Variants in COLGALT2 observed in about 807,000 individuals in gnomAD.
The protein encoded by COLGALT2 is collagen beta(1-O)galactosyltransferase 2.
COLGALT2 carries 49 observed loss-of-function variants against 73.4 expected under a neutral mutation model. The observed-to-expected ratio is 0.67, with a 90% CI of 0.53 to 0.85. COLGALT2 has a LOEUF of 0.85. COLGALT2 is among the 40% of genes least tolerant of loss of function. The probability of loss-of-function intolerance (pLI) is 0.00; values close to 1 mark genes in which losing one functional copy is unlikely to be tolerated. For synonymous variants in COLGALT2, 295 were observed against 307.6 expected (o/e 0.96, Z 0.43); for missense variants, 722 against 790.2 (o/e 0.91, Z 1.03).
intron 4 of COLGALT2, among the ~76,000 whole-genome samples, chr1:183,970,444 C>A (rs958206164): frequency 6.6e-6 from 1 of 152,204 alleles, no homozygotes; most frequent in Non-Finnish European, 1.5e-5. Flanking sequence ...AGTTGCATCA[C>A]TTCATGGTTA....
chr1:183,952,761 C>T (rs955394776), intron 7 of COLGALT2, among the ~76,000 whole-genome samples: 2 of 152,216 alleles, frequency 1.3e-5, no homozygotes, highest in African/African-American at 4.8e-5. Flanking sequence ...CCTAATTTTA[C>T]TACCTTCCTT....
chr1:183,930,104 C>A, exon 12 of COLGALT2: 1 of 411,412 alleles, frequency 2.4e-6, no homozygotes, highest in Non-Finnish European at 4.9e-6. Context: ...GCCCATCAAC[C>A]AGTCCCCGGG....
rs573393603 is a variant in COLGALT2, at chr1:184,037,278, G to A, written c.80C>T (p.Ala27Val). Reference protein sequence around the residue: ...SSALLREGCRARFVAERDSED... With the variant: ...SSALLREGCRVRFVAERDSED... ...CGAGTCCCGCTCGGCGACGAAGCGC[G>A]CTCGGCAGCCTTCGCGGAGCAGGGC... The change falls in exon 1 of 12, where the codon GCG (alanine) becomes GTG (valine). Residue 27 changes from alanine to valine, a missense_variant. Coordinates refer to ENST00000361927, the MANE Select transcript of COLGALT2 (RefSeq NM_015101.4). The A allele has an allele frequency of 7.1e-6, 11 of 1,554,038 alleles. No homozygotes were observed. Among genetic ancestry groups the A allele is most frequent in the South Asian group, 5.9e-5 (5 of 84,082 alleles).
At chr1:183,954,923 G>A in intron 6 of COLGALT2, 85 bp from the exon 7 acceptor site, 2 of 1,059,878 alleles carry the variant, frequency 1.9e-6, no homozygotes, top group East Asian at 4.8e-5. Context: ...GATCTCTAGG[G>A]TTGGAATATA....
In COLGALT2 at chr1:183,999,075, T is replaced by C. The variant is rs969581148; in HGVS notation, c.264-20555A>G. 2.6e-5 allele frequency among the ~76,000 whole-genome samples: 4 copies of C among 152,226 alleles called. No homozygotes were observed. In the East Asian group the frequency reaches 5.8e-4, roughly 22 times the overall value. On this transcript the variant is annotated intron_variant, in intron 1 of 11. Transcript: ENST00000361927. ...TATAGCATTTCACCATCAAATATGA[T>C]ATTTGTTACAGTCTGCTTTGGTGTT...
chr1:184,001,678 A>G (rs1350859031), intron 1 of COLGALT2, among the ~76,000 whole-genome samples: 1 of 152,248 alleles, frequency 6.6e-6, no homozygotes, highest in Non-Finnish European at 1.5e-5. Context: ...ATATGCAGAT[A>G]ATCAAATTTT....
At chr1:183,988,700 A>G (rs1380592721) in intron 1 of COLGALT2, among the ~76,000 whole-genome samples, 1 of 152,168 alleles carries the variant, frequency 6.6e-6, no homozygotes, top group East Asian at 1.9e-4. Context: ...ATAATGTTCC[A>G]TAGTATGGAT....
At position 183,936,152 on chromosome 1, in the gene COLGALT2, G is replaced by C; in HGVS notation, c.*2609C>G. 3.0e-6 allele frequency: 3 copies of C among 985,606 alleles called. No homozygotes were observed. The highest frequency in any genetic ancestry group is 3.6e-6 in the Non-Finnish European group (3 of 830,074). 61.1% of individuals were successfully genotyped at this position (985,606 alleles called of 1,614,324 possible). A position where few individuals can be genotyped will look rare whatever the true frequency, so the allele number is the denominator to read the frequency against. On this transcript the variant is annotated 3_prime_UTR_variant, in exon 12 of 12. Coordinates refer to ENST00000361927, the MANE Select transcript of COLGALT2 (RefSeq NM_015101.4). ...GGTTTAGCCTCCAGAGGCAGAGAGC[G>C]GGTGCCAGGCCCAGATGCAAAGGCC...
intron 6 of COLGALT2, among the ~76,000 whole-genome samples, chr1:183,960,620 CTA>C (rs1239305132): frequency 1.3e-5 from 2 of 152,252 alleles, no homozygotes; most frequent in Non-Finnish European, 2.9e-5. Context: ...TACAGGCATT[CTA>C]TGTTTGCTCA....
At chr1:184,036,497 C>T (rs1649681340) in intron 1 of COLGALT2, among the ~76,000 whole-genome samples, 1 of 152,238 alleles carries the variant, frequency 6.6e-6, no homozygotes, top group Non-Finnish European at 1.5e-5. Context: ...GTTGGGCACA[C>T]TCCGCGGGCT....
chr1:183,960,974 C>A (rs190297540), intron 6 of COLGALT2, among the ~76,000 whole-genome samples: 2 of 152,246 alleles, frequency 1.3e-5, no homozygotes, highest in African/African-American at 4.8e-5. Context: ...GTTTTTAACA[C>A]CTAGTTAATC....
intron 7 of COLGALT2, among the ~76,000 whole-genome samples, chr1:183,952,155 G>A (rs1670418542): frequency 6.6e-6 from 1 of 152,204 alleles, no homozygotes; most frequent in African/African-American, 2.4e-5. Context: ...CTTTGTGAAT[G>A]CCTTTACACG....
intron 1 of COLGALT2, among the ~76,000 whole-genome samples, chr1:183,999,516 G>A (rs1477841798): frequency 6.6e-6 from 1 of 151,952 alleles, no homozygotes; most frequent in Admixed American, 6.6e-5. Flanking sequence ...ATCACTCAAT[G>A]AGTATATATA....
At position 183,949,320 on chromosome 1, in the gene COLGALT2, T is replaced by C. The variant is rs562519005; in HGVS notation, c.1136+1687A>G. Among the ~76,000 whole-genome samples, 7 of 152,320 alleles carry C rather than the reference T, an allele frequency of 4.6e-5. No homozygotes were observed. The South Asian group carries it at 1.0e-3, about 23-fold the overall frequency. ...AAGAATAACAAAATTGAAGGACTCA[T>C]ACTTCTTAAATACAAAGCTACAGTC... On this transcript the variant is annotated intron_variant, in intron 8 of 11. Coordinates refer to ENST00000361927, the MANE Select transcript of COLGALT2 (RefSeq NM_015101.4).
chr1:183,950,899 C>T (rs1670377690), intron 8 of COLGALT2, 108 bp downstream of exon 8: 2 of 770,992 alleles, frequency 2.6e-6, no homozygotes, highest in Non-Finnish European at 4.4e-6. Flanking sequence ...TAAGACTATC[C>T]TCTAATGACC....
At chr1:183,959,147 AC>A (rs1670630491) in intron 6 of COLGALT2, among the ~76,000 whole-genome samples, 1 of 152,088 alleles carries the variant, frequency 6.6e-6, no homozygotes, top group African/African-American at 2.4e-5. Context: ...CCGTCTTGAA[AC>A]ACTTCTCAAT....
chr1:183,970,963 A>G (rs1197129151), intron 4 of COLGALT2, among the ~76,000 whole-genome samples: 1 of 152,166 alleles, frequency 6.6e-6, no homozygotes, highest in Non-Finnish European at 1.5e-5. Flanking sequence ...TCTAATATAA[A>G]GTTCTAGATT....
Position 183,951,002 on chromosome 1 carries a change from C to T in COLGALT2, c.1136+5G>A. Reference sequence around the variant, plus strand: ...ATCTGCAATGGGAGAAGAAACCCAACTCACTTTCCATCCACAGCCTCGACA... The same window carrying T: ...ATCTGCAATGGGAGAAGAAACCCAATTCACTTTCCATCCACAGCCTCGACA... On this transcript the variant is annotated splice_donor_5th_base_variant and intron_variant, in intron 8 of 11. Coordinates refer to ENST00000361927, the MANE Select transcript of COLGALT2 (RefSeq NM_015101.4). The T allele has an allele frequency of 1.2e-6, 2 of 1,607,644 alleles. No homozygotes were observed. Among genetic ancestry groups the T allele is most frequent in the Non-Finnish European group, 1.7e-6 (2 of 1,174,284 alleles).
At chr1:183,960,427 ATCTC>A (rs1034467619) in intron 6 of COLGALT2, among the ~76,000 whole-genome samples, 9 of 152,126 alleles carry the variant, frequency 5.9e-5, no homozygotes, top group Non-Finnish European at 1.0e-4. Context: ...GGCCATAGCA[ATCTC>A]TCTCTATCCC....
Sources: allele counts gnomAD v4.1 joint callset (sites outside exome capture counted in the v4.1 genomes callset), GRCh38; gene constraint gnomAD v4.1.1; transcripts MANE v1.5; gene names NCBI Gene and HGNC (gene_info 2026-07-23, HGNC 2026-07-21).